Variants in INTS6 observed in about 807,000 individuals in gnomAD.
INTS6 encodes DEAD box protein.
Under a neutral mutation model 104.9 loss-of-function variants are expected in INTS6, and 16 were observed. That is an observed-to-expected ratio of 0.15 (90% CI 0.10 to 0.23). The LOEUF (loss-of-function observed/expected upper bound fraction) is 0.23. INTS6 is among the 10% of genes least tolerant of loss of function. The pLI, the probability that INTS6 is intolerant of heterozygous loss-of-function variation, is 1.00. For missense variants in INTS6, 584 were observed against 1,062.8 expected (o/e 0.55, Z 6.26); for synonymous variants, 324 against 358.7 (o/e 0.90, Z 1.09).
chr13:51,417,331 C>G (rs1956805985), intron 4 of INTS6, among the ~76,000 whole-genome samples: 1 of 151,854 alleles, frequency 6.6e-6, no homozygotes, highest in South Asian at 2.1e-4. Context: ...AGTTTTAGCT[C>G]TTATATTTGG....
At chr13:51,337,491 C>T in the INTS6 span, among the ~76,000 whole-genome samples, 1 of 152,150 alleles carries the variant, frequency 6.6e-6, no homozygotes, top group African/African-American at 2.4e-5. Context: ...GGCTGGCCAT[C>T]GAAAGGCTTA....
At chr13:51,341,364 C>G in the INTS6 span, 2 of 1,565,778 alleles carry the variant, frequency 1.3e-6, no homozygotes, top group South Asian at 1.2e-5. Context: ...GGCCTGCCCA[C>G]GTGCACACTC....
chr13:51,403,495 T>A (rs1361973388), intron 4 of INTS6, among the ~76,000 whole-genome samples: 1 of 144,894 alleles, frequency 6.9e-6, no homozygotes, highest in Non-Finnish European at 1.5e-5. Context: ...GGCAGAAGAA[T>A]CGCTTGAACC....
chr13:51,365,974 A>G, intron 17 of INTS6, 129 bp from the exon 18 acceptor site: 1 of 524,136 alleles, frequency 1.9e-6, no homozygotes, highest in Non-Finnish European at 3.4e-6. Context: ...AGAAAAATCA[A>G]TACTACGACA....
At chr13:51,347,205 T>G in the INTS6 span, 11 of 1,613,830 alleles carry the variant, frequency 6.8e-6, no homozygotes, top group Non-Finnish European at 9.3e-6. Flanking sequence ...CAGGTCCCCA[T>G]GATGCACCAA....
At chr13:51,404,305 A>C (rs542280814) in intron 4 of INTS6, among the ~76,000 whole-genome samples, 309 of 151,688 alleles carry the variant, frequency 2.0e-3, no homozygotes, top group Non-Finnish European at 3.4e-3. Context: ...AAAAAAAAAA[A>C]AAAACAAAAC....
At chr13:51,443,302 T>C (rs1441403290) in intron 3 of INTS6, 1 of 152,070 alleles carries the variant, frequency 6.6e-6, no homozygotes, top group Non-Finnish European at 1.5e-5. Flanking sequence ...AAAATAATAA[T>C]AAAACACAGA....
At chr13:51,427,368 G>C (rs1957003284) in intron 4 of INTS6, among the ~76,000 whole-genome samples, 1 of 152,132 alleles carries the variant, frequency 6.6e-6, no homozygotes, top group South Asian at 2.1e-4. Context: ...GTAGGAACCA[G>C]AATACAGATC....
intron 4 of INTS6, among the ~76,000 whole-genome samples, chr13:51,417,752 C>T (rs1012206683): frequency 5.3e-5 from 8 of 152,194 alleles, no homozygotes; most frequent in South Asian, 2.1e-4. Flanking sequence ...CTACTGCACC[C>T]GGCCAGAAAA....
At position 51,452,592 on chromosome 13, in the gene INTS6, C is replaced by T; in HGVS notation, c.-67G>A. On this transcript the variant is annotated 5_prime_UTR_variant, in exon 1 of 18. Coordinates refer to ENST00000311234, the MANE Select transcript of INTS6 (RefSeq NM_012141.3). The surrounding 1 kb of genome is among the most constrained non-coding windows in gnomAD (Gnocchi z 4.2). ...GAGGAGATGGTAGAGGTGGAGGCGC[C>T]GGTGGCGGCGACCGCCGCTACGCGG... 1.3e-6 allele frequency: 2 copies of T among 1,557,048 alleles called. No individual in the cohort carries two copies. Among genetic ancestry groups the T allele is most frequent in the Non-Finnish European group, 8.7e-7 (1 of 1,146,810 alleles).
intron 4 of INTS6, chr13:51,402,744 T>C (rs1180494943): frequency 1.3e-4 from 20 of 152,162 alleles, no homozygotes; most frequent in Admixed American, 1.3e-3. Context: ...CCCTTCACCT[T>C]TGAGTCCATC....
intron 3 of INTS6, chr13:51,445,871 T>C (rs1295565790): frequency 6.6e-6 from 1 of 152,224 alleles, no homozygotes; most frequent in Non-Finnish European, 1.5e-5. Flanking sequence ...AAAAACTGGA[T>C]ATCCACATGC....
chr13:51,452,366 C>T lies in INTS6; in HGVS notation c.111+49G>A, dbSNP rs1358517838. 2.0e-6 allele frequency: 3 copies of T among 1,475,796 alleles called. No individual in the cohort carries two copies. The highest frequency in any genetic ancestry group is 1.3e-5 in the South Asian group (1 of 79,934). The allele number at this position is 1,475,796 out of a possible 1,614,324, so 91.4% of individuals were successfully genotyped here. A position where few individuals can be genotyped will look rare whatever the true frequency, so the allele number is the denominator to read the frequency against. ...CGGCCGCCCTCCCCCACCCTGCCGC[C>T]CGCGGGCCGCCGGGCCGGGGTCGCC... On this transcript the variant is annotated intron_variant, in intron 1 of 17. Coordinates refer to ENST00000311234, the MANE Select transcript of INTS6 (RefSeq NM_012141.3). This position sits in a 1 kb window ranked among gnomAD's most constrained non-coding sequence, Gnocchi z 4.2.
At chr13:51,432,057 T>C (rs1486397829) in intron 3 of INTS6, among the ~76,000 whole-genome samples, 7 of 152,138 alleles carry the variant, frequency 4.6e-5, no homozygotes, top group Non-Finnish European at 7.4e-5. Context: ...TAGAATGCTT[T>C]TCCTCTTCCC....
chr13:51,413,923 G>A (rs1024824877), intron 4 of INTS6, among the ~76,000 whole-genome samples: 5 of 152,068 alleles, frequency 3.3e-5, no homozygotes, highest in African/African-American at 9.7e-5. Context: ...ATAACTGCCC[G>A]TCCACATCTA....
rs1034762472 is a variant in INTS6 at position 51,397,497 on chromosome 13, T to C, written c.430-2014A>G. Among the ~76,000 whole-genome samples the C allele has an allele frequency of 2.0e-5, 3 of 152,150 alleles. No homozygotes were observed. In the East Asian group the frequency reaches 5.8e-4, roughly 29 times the overall value. On this transcript the variant is annotated intron_variant, in intron 4 of 17. Coordinates refer to ENST00000311234, the MANE Select transcript of INTS6 (RefSeq NM_012141.3). The stretch of plus-strand genomic sequence containing the variant: ...GGGCCAGCATATTCTCGAGGAAGGT[T>C]TCCCAGCCTCACAGGCTCTGTGACA...
the INTS6 span, chr13:51,341,073 AG>A: frequency 1.2e-6 from 2 of 1,610,638 alleles, no homozygotes; most frequent in East Asian, 4.5e-5. Context: ...TCTGAATTGC[AG>A]GAACCCTCCC....
At chr13:51,404,103 C>CACACACACACACACAG (rs1491389220) in intron 4 of INTS6, among the ~76,000 whole-genome samples, 243 of 103,922 alleles carry the variant, frequency 2.3e-3, no homozygotes, top group East Asian at 8.7e-3. Flanking sequence ...CACACACACA[C>CACACACACACACACAG]AGAGAGAGAG....
At chr13:51,421,421 G>GA (rs980402084) in intron 4 of INTS6, 5 of 475,514 alleles carry the variant, frequency 1.1e-5, no homozygotes, top group East Asian at 1.5e-4. Context: ...AGAGCGTGGG[G>GA]AAAAATATAC....
Sources: allele counts gnomAD v4.1 joint callset (sites outside exome capture counted in the v4.1 genomes callset), GRCh38; gene constraint gnomAD v4.1.1; non-coding constraint Gnocchi (gnomAD v3.1); transcripts MANE v1.5; gene names NCBI Gene and HGNC (gene_info 2026-07-23, HGNC 2026-07-21).